Variants in CSGALNACT1 observed in about 807,000 individuals in gnomAD.
CSGALNACT1 encodes the protein chondroitin sulfate N-acetylgalactosaminyltransferase 1, also known as beta4GalNAcT-1.
Under a neutral mutation model 51.0 loss-of-function variants are expected in CSGALNACT1, and 52 were observed. The observed-to-expected ratio is 1.02, with a 90% CI of 0.82 to 1.29. The LOEUF is 1.29. CSGALNACT1 is among the 50% of genes most tolerant of loss of function. The probability of loss-of-function intolerance (pLI) is 0.00; values close to 1 mark genes in which losing one functional copy is unlikely to be tolerated. For synonymous variants in CSGALNACT1, 341 were observed against 254.4 expected (o/e 1.34, Z -3.24); for missense variants, 935 against 679.2 (o/e 1.38, Z -4.19).
intron 5 of CSGALNACT1, among the ~76,000 whole-genome samples, chr8:19,448,713 G>C (rs2062575564): frequency 6.6e-6 from 1 of 152,134 alleles, no homozygotes; most frequent in Non-Finnish European, 1.5e-5. Context: ...AGCTGAGAAA[G>C]ACACAGATGC....
intron 1 of CSGALNACT1, among the ~76,000 whole-genome samples, chr8:19,609,623 C>A (rs768521719): frequency 5.3e-5 from 8 of 151,234 alleles, no homozygotes; most frequent in Non-Finnish European, 1.0e-4. Context: ...ATATACAATT[C>A]CAGCACATCG....
At chr8:19,553,620 C>CATATATATATATATATATATATATATAT (rs769189103) in intron 3 of CSGALNACT1, among the ~76,000 whole-genome samples, 2 of 71,556 alleles carry the variant, frequency 2.8e-5, no homozygotes, top group African/African-American at 9.2e-5. Context: ...TATATAAATA[C>CATATATATATATATATATATATATATAT]ATATATATAT....
chr8:19,664,268 A>T (rs2059001526), intron 1 of CSGALNACT1, among the ~76,000 whole-genome samples: 2 of 152,332 alleles, frequency 1.3e-5, no homozygotes, highest in Admixed American at 1.3e-4. Flanking sequence ...GGCATTTTGC[A>T]AACTAAAACC....
chr8:19,425,893 G>C (rs1292985212), intron 6 of CSGALNACT1, among the ~76,000 whole-genome samples: 1 of 152,116 alleles, frequency 6.6e-6, no homozygotes, highest in East Asian at 1.9e-4. Flanking sequence ...CCCATGTCAA[G>C]AATCACCGCC....
At chr8:19,719,518 G>A (rs772433395) in intron 1 of CSGALNACT1, among the ~76,000 whole-genome samples, 12 of 152,072 alleles carry the variant, frequency 7.9e-5, no homozygotes, top group Non-Finnish European at 1.3e-4. Context: ...ATCTCCCATC[G>A]TTTTCAGAAA....
intron 8 of CSGALNACT1, among the ~76,000 whole-genome samples, chr8:19,412,405 G>A (rs1376739715): frequency 1.3e-5 from 2 of 152,234 alleles, no homozygotes; most frequent in Non-Finnish European, 2.9e-5. Flanking sequence ...GAAGGCAGCC[G>A]CCCTGCAGCT....
intron 1 of CSGALNACT1, among the ~76,000 whole-genome samples, chr8:19,661,601 C>T (rs545669352): frequency 7.2e-5 from 11 of 152,076 alleles, no homozygotes; most frequent in African/African-American, 2.2e-4. Flanking sequence ...ACTTGTGGCC[C>T]GGATTGCATG....
chr8:19,558,274 A>G (rs1378694769), intron 3 of CSGALNACT1, among the ~76,000 whole-genome samples: 1 of 152,152 alleles, frequency 6.6e-6, no homozygotes, highest in Non-Finnish European at 1.5e-5. Flanking sequence ...TTGTGGATTC[A>G]TGGCTCTTTA....
At chr8:19,499,357 C>T (rs1164296116) in intron 4 of CSGALNACT1, among the ~76,000 whole-genome samples, 1 of 152,082 alleles carries the variant, frequency 6.6e-6, no homozygotes, top group African/African-American at 2.4e-5. Flanking sequence ...AAGGACTGAG[C>T]CTCACTCAGC....
intron 1 of CSGALNACT1, among the ~76,000 whole-genome samples, chr8:19,754,798 T>C (rs1326704659): frequency 6.6e-6 from 1 of 152,244 alleles, no homozygotes; most frequent in Non-Finnish European, 1.5e-5. Context: ...CCTGGGGTGA[T>C]ACACTATGCT....
intron 1 of CSGALNACT1, among the ~76,000 whole-genome samples, chr8:19,618,776 G>C (rs542336573): frequency 1.3e-5 from 2 of 151,962 alleles, no homozygotes; most frequent in Non-Finnish European, 1.5e-5. Context: ...TCCCAAGGCC[G>C]GGGCTAGCAC....
At chr8:19,549,166 C>G (rs1412181939) in intron 3 of CSGALNACT1, among the ~76,000 whole-genome samples, 1 of 151,816 alleles carries the variant, frequency 6.6e-6, no homozygotes, top group Non-Finnish European at 1.5e-5. Flanking sequence ...TGTGGAAGAT[C>G]AGGATTTAGT....
chr8:19,449,718 G>A (rs1181748359), intron 5 of CSGALNACT1, among the ~76,000 whole-genome samples: 3 of 152,092 alleles, frequency 2.0e-5, no homozygotes, highest in Non-Finnish European at 4.4e-5. Context: ...TACCAGTCAA[G>A]TCTGAGGAGG....
intron 3 of CSGALNACT1, among the ~76,000 whole-genome samples, chr8:19,514,474 A>AATATATATATAT (rs2079080988): frequency 4.1e-5 from 2 of 48,732 alleles, no homozygotes; most frequent in African/African-American, 1.2e-4. Flanking sequence ...TTGAACAGAG[A>AATATATATATAT]CTATATATAT....
At chr8:19,450,324 A>AG (rs1332700723) in intron 5 of CSGALNACT1, among the ~76,000 whole-genome samples, 13 of 150,936 alleles carry the variant, frequency 8.6e-5, no homozygotes, top group African/African-American at 3.2e-4. Context: ...GAGGAGGAGG[A>AG]GAGGAAGAGG....
chr8:19,740,991 A>G (rs1020121598), intron 1 of CSGALNACT1, among the ~76,000 whole-genome samples: 3 of 152,242 alleles, frequency 2.0e-5, no homozygotes, highest in Non-Finnish European at 4.4e-5. Flanking sequence ...CAACTTGGAA[A>G]TAAGATCACA....
At chr8:19,609,961 C>A (rs1394648055) in intron 1 of CSGALNACT1, among the ~76,000 whole-genome samples, 1 of 152,060 alleles carries the variant, frequency 6.6e-6, no homozygotes, top group Non-Finnish European at 1.5e-5. Context: ...TGGCTCACGC[C>A]TGTAATCCCA....
At chr8:19,484,930 C>CTG (rs2153937724) in intron 4 of CSGALNACT1, among the ~76,000 whole-genome samples, 1 of 152,192 alleles carries the variant, frequency 6.6e-6, no homozygotes, top group Admixed American at 6.5e-5. Flanking sequence ...ACTGAGGACA[C>CTG]AGTGAGAGGG....
At chr8:19,508,291 G>C (rs866988324) in intron 3 of CSGALNACT1, among the ~76,000 whole-genome samples, 1 of 152,276 alleles carries the variant, frequency 6.6e-6, no homozygotes, top group East Asian at 1.9e-4. Context: ...TATTACCCAG[G>C]AGATGTGCCT....
Sources: gnomAD v4.1 joint callset for allele counts (sites outside exome capture counted in the v4.1 genomes callset) on GRCh38, gnomAD v4.1.1 for gene constraint, MANE v1.5 for transcripts, NCBI Gene and HGNC (gene_info 2026-07-23, HGNC 2026-07-21) for gene names.